The following CALN1 variants were observed in gnomAD, a reference collection of about 807,000 sequenced individuals.
CALN1 encodes the protein calneuron 1.
Under a neutral mutation model 30.6 loss-of-function variants are expected in CALN1, and 17 were observed. The observed-to-expected ratio is 0.56, with a 90% confidence interval of 0.38 to 0.83. The LOEUF (loss-of-function observed/expected upper bound fraction) is 0.83. CALN1 is among the 40% of genes least tolerant of loss of function. The pLI, the probability that CALN1 is intolerant of heterozygous loss-of-function variation, is 0.00. For synonymous variants in CALN1, 156 were observed against 131.4 expected, an observed-to-expected ratio of 1.19 and a Z score of -1.28; for missense variants, 291 against 354.9, an observed-to-expected ratio of 0.82 and a Z score of 1.45.
chr7:72,294,318 A>G (rs886388727), intron 2 of CALN1, among the ~76,000 whole-genome samples: 10 of 152,352 alleles, frequency 6.6e-5, no homozygotes, highest in Middle Eastern at 3.4e-3. Context: ...ACTAAAAAAC[A>G]TTGAAGTACA....
intron 3 of CALN1, among the ~76,000 whole-genome samples, chr7:72,268,462 T>C (rs973876545): frequency 6.6e-6 from 1 of 152,180 alleles, no homozygotes; most frequent in Non-Finnish European, 1.5e-5. Flanking sequence ...TTAAAAGTGC[T>C]ATAATGGTTG....
chr7:72,333,324 T>C (rs1028891906), intron 2 of CALN1, among the ~76,000 whole-genome samples: 3 of 152,212 alleles, frequency 2.0e-5, no homozygotes, highest in Non-Finnish European at 4.4e-5. Flanking sequence ...CATCTATCTA[T>C]CCATACCACA....
intron 4 of CALN1, among the ~76,000 whole-genome samples, chr7:72,088,630 T>G (rs1413059660): frequency 7.1e-6 from 1 of 140,110 alleles, no homozygotes; most frequent in Non-Finnish European, 1.5e-5. Flanking sequence ...ACCCAGGAGG[T>G]GGAGTTTGCA....
chr7:72,122,686 G>A (rs1355287414), intron 3 of CALN1, among the ~76,000 whole-genome samples: 4 of 152,094 alleles, frequency 2.6e-5, no homozygotes, highest in Non-Finnish European at 5.9e-5. Flanking sequence ...TGATCACGCC[G>A]CTGCACTCCA....
At chr7:72,250,850 A>G (rs1469101930) in intron 3 of CALN1, among the ~76,000 whole-genome samples, 1 of 151,874 alleles carries the variant, frequency 6.6e-6, no homozygotes, top group East Asian at 1.9e-4. Flanking sequence ...AGCCAAATAA[A>G]CCTCTTTTCT....
At chr7:72,394,023 C>T (rs1805754534) in intron 2 of CALN1, among the ~76,000 whole-genome samples, 1 of 152,154 alleles carries the variant, frequency 6.6e-6, no homozygotes. Flanking sequence ...GAACAGATTT[C>T]CAAGAGATGG....
chr7:71,902,686 T>A (rs1175870832), intron 5 of CALN1, among the ~76,000 whole-genome samples: 1 of 152,226 alleles, frequency 6.6e-6, no homozygotes, highest in Admixed American at 6.5e-5. Flanking sequence ...TATGTATAAG[T>A]TATATTCTTG....
intron 3 of CALN1, among the ~76,000 whole-genome samples, chr7:72,232,594 G>A (rs1794186869): frequency 6.8e-6 from 1 of 146,340 alleles, no homozygotes; most frequent in South Asian, 2.3e-4. Context: ...CCAAACAGCT[G>A]GGATTACAAG....
intron 2 of CALN1, among the ~76,000 whole-genome samples, chr7:72,292,613 G>C (rs970711069): frequency 1.3e-5 from 2 of 151,408 alleles, no homozygotes; most frequent in African/African-American, 4.9e-5. Context: ...TTGAGGTCAG[G>C]AATTCGAGAC....
At chr7:72,272,599 T>C (rs1411595425) in intron 3 of CALN1, among the ~76,000 whole-genome samples, 1 of 152,022 alleles carries the variant, frequency 6.6e-6, no homozygotes, top group Non-Finnish European at 1.5e-5. Flanking sequence ...AAATATTAAT[T>C]TTGAGACATG....
chr7:72,325,126 C>A (rs1473095886), intron 2 of CALN1, among the ~76,000 whole-genome samples: 1 of 151,784 alleles, frequency 6.6e-6, no homozygotes, highest in Non-Finnish European at 1.5e-5. Context: ...ATGGTGAAAC[C>A]CCGTCTCTAC....
intron 5 of CALN1, among the ~76,000 whole-genome samples, chr7:71,835,404 A>G (rs1789545510): frequency 6.6e-6 from 1 of 152,170 alleles, no homozygotes; most frequent in Non-Finnish European, 1.5e-5. Flanking sequence ...AGAAATATCT[A>G]TTATATTTAG....
intron 3 of CALN1, among the ~76,000 whole-genome samples, chr7:72,124,920 A>G (rs950647554): frequency 1.3e-5 from 2 of 152,202 alleles, no homozygotes; most frequent in Non-Finnish European, 2.9e-5. Flanking sequence ...CAAAAATTAC[A>G]TAAAAAAAGA....
intron 2 of CALN1, among the ~76,000 whole-genome samples, chr7:72,388,406 A>T (rs2944811): frequency 0.99 from 150,507 of 152,216 alleles, 74,428 homozygotes; most frequent in Middle Eastern, 1. Context: ...TTATATCCTA[A>T]AATGAGATCC....
chr7:72,120,479 T>C (rs73701674), intron 3 of CALN1, among the ~76,000 whole-genome samples: 75 of 152,332 alleles, frequency 4.9e-4, no homozygotes, highest in African/African-American at 1.8e-3. Flanking sequence ...TTCCCAATTT[T>C]ACATAATGTT....
In CALN1 at chr7:72,156,063, G is replaced by A. The variant is rs181861834; in HGVS notation, c.245-49769C>T. Reference sequence around the variant, plus strand: ...TGCCATAGAAGGTAACATATTCAGAGGTTCCAAGGTTAGGACATGAACATC... The same window carrying A: ...TGCCATAGAAGGTAACATATTCAGAAGTTCCAAGGTTAGGACATGAACATC... On this transcript the variant is annotated intron_variant, in intron 3 of 6. Transcript: ENST00000395275. 4.6e-5 allele frequency among the ~76,000 whole-genome samples: 7 copies of A among 152,196 alleles called. No individual in the cohort carries two copies. In the East Asian group the frequency reaches 1.4e-3, roughly 29 times the overall value.
intron 5 of CALN1, among the ~76,000 whole-genome samples, chr7:71,898,040 A>AG (rs1362016949): frequency 1.4e-5 from 2 of 147,526 alleles, no homozygotes; most frequent in Admixed American, 6.8e-5. Context: ...AGAGAGAGAG[A>AG]ATGTTGGCAA....
At chr7:72,013,769 T>C (rs1800223852) in intron 5 of CALN1, among the ~76,000 whole-genome samples, 1 of 152,118 alleles carries the variant, frequency 6.6e-6, no homozygotes, top group African/African-American at 2.4e-5. Flanking sequence ...TACTGTAAAT[T>C]CCATCTCTAT....
chr7:72,014,422 G>C (rs1800265892), intron 5 of CALN1, among the ~76,000 whole-genome samples: 1 of 152,032 alleles, frequency 6.6e-6, no homozygotes, highest in Non-Finnish European at 1.5e-5. Flanking sequence ...TGACAACTTT[G>C]AGTATTACAT....
Sources: gnomAD v4.1 joint callset for allele counts (sites outside exome capture counted in the v4.1 genomes callset) on GRCh38, gnomAD v4.1.1 for gene constraint, MANE v1.5 for transcripts, NCBI Gene and HGNC (gene_info 2026-07-23, HGNC 2026-07-21) for gene names.